The following NPRL2 variants were observed in gnomAD, a reference collection of about 807,000 sequenced individuals.
NPRL2 encodes the protein NPR2 like, GATOR1 complex subunit.
A neutral mutation model predicts 51.1 loss-of-function variants in NPRL2; 21 were observed. The ratio of observed to expected loss-of-function variants is 0.41; its 90% CI spans 0.29 to 0.59. The LOEUF is 0.59. Ranked by LOEUF, NPRL2 falls within the 20% of genes least tolerant of loss-of-function variation. NPRL2 has a pLI of 0.29. For missense variants in NPRL2, 376 were observed against 483.4 expected (o/e 0.78, Z 2.08); for synonymous variants, 175 against 187.8 (o/e 0.93, Z 0.56).
rs587643748 is a variant in NPRL2, at chr3:50,349,854, C to T, written c.171-21G>A. On this transcript the variant is annotated intron_variant, in intron 2 of 10. Transcript: ENST00000232501. The surrounding 1 kb of genome is among the most constrained non-coding windows in gnomAD (Gnocchi z 4.6). Reference sequence around the variant, plus strand: ...CTGTGCTGGATAATTGGAACACAGTCAGGCCCCCAAGCCTGTCCCTTCCTC... The same window carrying T: ...CTGTGCTGGATAATTGGAACACAGTTAGGCCCCCAAGCCTGTCCCTTCCTC... 10 of 1,611,926 alleles carry T rather than the reference C, an allele frequency of 6.2e-6. No individual in the cohort carries two copies. The Admixed American group carries it at 1.0e-4, about 16-fold the overall frequency.
Position 50,348,248 on chromosome 3 carries a change from G to A in NPRL2, c.815-7C>T. Reference sequence around the variant, plus strand: ...AGACTGGCCCTCTTGTGCCCTGTGGGTGCCAGGGATCAGCTCATCATGTGG... The same window carrying A: ...AGACTGGCCCTCTTGTGCCCTGTGGATGCCAGGGATCAGCTCATCATGTGG... On this transcript the variant is annotated splice_region_variant and splice_polypyrimidine_tract_variant and intron_variant, in intron 8 of 10. Transcript: ENST00000232501. The surrounding 1 kb of genome is among the most constrained non-coding windows in gnomAD (Gnocchi z 5.8). The A allele has an allele frequency of 6.2e-7, 1 of 1,613,866 alleles. No homozygotes were observed. The highest frequency in any genetic ancestry group is 8.5e-7 in the Non-Finnish European group (1 of 1,179,940).
rs962731655 is a variant in NPRL2, at chr3:50,350,407, C to A, written c.78+168G>T. 2 of 698,908 alleles carry A rather than the reference C, an allele frequency of 2.9e-6. No individual in the cohort carries two copies. Among genetic ancestry groups the A allele is most frequent in the Non-Finnish European group, 4.7e-6 (2 of 421,652 alleles). 43.3% of individuals were successfully genotyped at this position (698,908 alleles called of 1,614,324 possible). On this transcript the variant is annotated intron_variant, in intron 1 of 10. Transcript: ENST00000232501. This position sits in a 1 kb window ranked among gnomAD's most constrained non-coding sequence, Gnocchi z 5.7. The stretch of plus-strand genomic sequence containing the variant: ...GCCAATGTGACGTATGTCTTCCCTG[C>A]CACATTGGGAGCCGGGGGCCTGGGT...
chr3:50,349,070 A>G lies in NPRL2; in HGVS notation c.449-60T>C. 12 of 1,579,564 alleles carry G rather than the reference A, an allele frequency of 7.6e-6. No individual in the cohort carries two copies. The highest frequency in any genetic ancestry group is 1.0e-5 in the Non-Finnish European group (12 of 1,161,458). ...TTCTTCCAAGAGGTCCTCAATTACC[A>G]TCCAGGCCTCCCAGCATCCCTTGGG... is the stretch of plus-strand genomic sequence containing the variant. On this transcript the variant is annotated intron_variant, in intron 4 of 10. Transcript: ENST00000232501. The surrounding 1 kb of genome is among the most constrained non-coding windows in gnomAD (Gnocchi z 4.6).
chr3:50,350,739 C>A lies in NPRL2; in HGVS notation c.-87G>T. 2 of 1,518,902 alleles carry A rather than the reference C, an allele frequency of 1.3e-6. No individual in the cohort carries two copies. Among genetic ancestry groups the A allele is most frequent in the Non-Finnish European group, 1.8e-6 (2 of 1,132,928 alleles). The allele number at this position is 1,518,902 out of a possible 1,614,324, so 94.1% of individuals were successfully genotyped here. On this transcript the variant is annotated 5_prime_UTR_variant, in exon 1 of 11. Transcript: ENST00000232501. The surrounding 1 kb of genome is among the most constrained non-coding windows in gnomAD (Gnocchi z 5.7). ...TGTGAACACTTGTCAGAGACAGCCT[C>A]GAGGCCTGTGTCGCTGGGGCACGCA...
Position 50,348,768 on chromosome 3 carries a change from AATG to A in NPRL2, c.597_599del (p.Ile200del). 1.9e-6 allele frequency: 3 copies of A among 1,614,032 alleles called. No individual in the cohort carries two copies. Among genetic ancestry groups the A allele is most frequent in the Non-Finnish European group, 2.5e-6 (3 of 1,180,028 alleles). ...TCTTCTGGATGTGGCGGAACCCATC[AATG>A]TAGGGCAGGATCTGGGCAGAGTGGG... On this transcript the variant is annotated inframe_deletion, in exon 6 of 11. Transcript: ENST00000232501. The surrounding 1 kb of genome is among the most constrained non-coding windows in gnomAD (Gnocchi z 5.8).
Position 50,349,893 on chromosome 3 carries a change from C to A in NPRL2, c.170+38G>T. 1 of 1,613,510 alleles carries A rather than the reference C, an allele frequency of 6.2e-7. No individual in the cohort carries two copies. The highest frequency in any genetic ancestry group is 8.5e-7 in the Non-Finnish European group (1 of 1,179,776). ...TGTCCCTTCCTCCTCCTGGGACAAC[C>A]CCTGCCACCCACCGCTCACCCCGAG... is the stretch of plus-strand genomic sequence containing the variant. On this transcript the variant is annotated intron_variant, in intron 2 of 10. Transcript: ENST00000232501. This position sits in a 1 kb window ranked among gnomAD's most constrained non-coding sequence, Gnocchi z 4.6.
rs1703710065 is a variant in NPRL2 at position 50,350,207 on chromosome 3, C to T, written c.79-185G>A. 1 of 608,852 alleles carries T rather than the reference C, an allele frequency of 1.6e-6. No homozygotes were observed. The allele number at this position is 608,852 out of a possible 1,614,324, so 37.7% of individuals were successfully genotyped here. A position where few individuals can be genotyped will look rare whatever the true frequency, so the allele number is the denominator to read the frequency against. On this transcript the variant is annotated intron_variant, in intron 1 of 10. Transcript: ENST00000232501. The surrounding 1 kb of genome is among the most constrained non-coding windows in gnomAD (Gnocchi z 5.7). ...CGCTATGATCTCACCTCCTTCCTGGCTTCTGCATATGCTGTTCCCTCTACC... is the reference window on the plus strand; with the variant it reads ...CGCTATGATCTCACCTCCTTCCTGGTTTCTGCATATGCTGTTCCCTCTACC...
Position 50,349,807 on chromosome 3 carries a change from C to G in NPRL2, c.197G>C (p.Gly66Ala). The change falls in exon 3 of 11, where the codon GGC (glycine) becomes GCC (alanine). Residue 66 changes from glycine (G) to alanine (A), a missense_variant. Coordinates refer to ENST00000232501, the MANE Select transcript of NPRL2 (RefSeq NM_006545.5). This position sits in a 1 kb window ranked among gnomAD's most constrained non-coding sequence, Gnocchi z 4.6. The part of the protein sequence containing the change: ...TVTAMEKKLI[G>A]CPVCIEHKKY... ...CTTGTGTTCGATGCACACAGGACAG[C>G]CGATCAGCTTCTTTTCCATAGCTGT... 6.2e-7 allele frequency: 1 copy of G among 1,612,678 alleles called. No homozygotes were observed. Among genetic ancestry groups the G allele is most frequent in the Non-Finnish European group, 8.5e-7 (1 of 1,178,982 alleles).
chr3:50,350,158 T>C lies in NPRL2; in HGVS notation c.79-136A>G. The C allele has an allele frequency of 1.5e-6, 1 of 684,964 alleles. No individual in the cohort carries two copies. Among genetic ancestry groups the C allele is most frequent in the Non-Finnish European group, 2.5e-6 (1 of 395,222 alleles). 42.4% of individuals were successfully genotyped at this position (684,964 alleles called of 1,614,324 possible). A position where few individuals can be genotyped will look rare whatever the true frequency, so the allele number is the denominator to read the frequency against. On this transcript the variant is annotated intron_variant, in intron 1 of 10. Transcript: ENST00000232501. This position sits in a 1 kb window ranked among gnomAD's most constrained non-coding sequence, Gnocchi z 5.7. ...CTCTCTCCCATCCACTCAGGCCTAT[T>C]ACTTCTTTCTGTTTCCAAACATACG...
chr3:50,347,986 A>G, intron 9 of NPRL2, 85 bp from the exon 10 acceptor site: 1 of 1,601,356 alleles, frequency 6.2e-7, no homozygotes. Context: ...TCTCCCTTCA[A>G]TTTTGTCTCT....
rs1159252491 is a variant in NPRL2 at position 50,350,754 on chromosome 3, T to A, written c.-102A>T. Reference sequence around the variant, plus strand: ...GAGACAGCCTCGAGGCCTGTGTCGCTGGGGCACGCAAGCTTGCCAATCCCT... The same window carrying A: ...GAGACAGCCTCGAGGCCTGTGTCGCAGGGGCACGCAAGCTTGCCAATCCCT... On this transcript the variant is annotated 5_prime_UTR_variant, in exon 1 of 11. Transcript: ENST00000232501. This position sits in a 1 kb window ranked among gnomAD's most constrained non-coding sequence, Gnocchi z 5.7. The A allele has an allele frequency of 2.0e-6, 3 of 1,495,686 alleles. No individual in the cohort carries two copies. The African/African-American group carries it at 4.2e-5, about 21-fold the overall frequency. 92.7% of individuals were successfully genotyped at this position (1,495,686 alleles called of 1,614,324 possible).
rs759328601 is a variant in NPRL2 at position 50,349,776 on chromosome 3, G to A, written c.228C>T (p.Tyr76=). The A allele has an allele frequency of 6.2e-6, 10 of 1,613,962 alleles. No individual in the cohort carries two copies. In the South Asian group the frequency reaches 6.6e-5, roughly 11 times the overall value. The part of the protein sequence containing the change: ...GCPVCIEHKK[Y]SRNALLFNLG... ...GGTTGAAGAGGAGAGCATTGCGGCT[G>A]TACTTCTTGTGTTCGATGCACACAG... The change falls in exon 3 of 11, where the codon TAC becomes TAT. Residue 76 remains tyrosine (Y), a synonymous_variant. Coordinates refer to ENST00000232501, the MANE Select transcript of NPRL2 (RefSeq NM_006545.5). This position sits in a 1 kb window ranked among gnomAD's most constrained non-coding sequence, Gnocchi z 4.6.
At position 50,348,064 on chromosome 3, in the gene NPRL2, C is replaced by CA; in HGVS notation, c.932+59dup. On this transcript the variant is annotated intron_variant, in intron 9 of 10. Coordinates refer to ENST00000232501, the MANE Select transcript of NPRL2 (RefSeq NM_006545.5). The surrounding 1 kb of genome is among the most constrained non-coding windows in gnomAD (Gnocchi z 5.8). ...CCCATGATCCAGGGCTCCTGAGAGA[C>CA]ATAAAGGGTCTAGCTTCCCTCAGGT... 8 of 1,594,948 alleles carry CA rather than the reference C, an allele frequency of 5.0e-6. No individual in the cohort carries two copies. Among genetic ancestry groups the CA allele is most frequent in the Non-Finnish European group, 6.0e-6 (7 of 1,163,556 alleles).
chr3:50,348,389 T>G lies in NPRL2; in HGVS notation c.742A>C (p.Thr248Pro), dbSNP rs772222892. The G allele has an allele frequency of 1.2e-6, 2 of 1,613,846 alleles. No homozygotes were observed. Among genetic ancestry groups the G allele is most frequent in the Admixed American group, 3.3e-5 (2 of 60,008 alleles). ...ILQYSNVYCP[T>P]PKVQDLVDDK... ...TCTACCAGGTCCTGGACCTTGGGCG[T>G]TGGGCAGTATACATTGGAGTACTAG... The change falls in exon 8 of 11, where the codon ACG becomes CCG. Residue 248 changes from threonine (T) to proline (P), a missense_variant. Coordinates refer to ENST00000232501, the MANE Select transcript of NPRL2 (RefSeq NM_006545.5). This position sits in a 1 kb window ranked among gnomAD's most constrained non-coding sequence, Gnocchi z 5.8.
chr3:50,347,542 T>A lies in NPRL2; in HGVS notation c.*64A>T. The A allele has an allele frequency of 6.3e-7, 1 of 1,581,904 alleles. No homozygotes were observed. Among genetic ancestry groups the A allele is most frequent in the Non-Finnish European group, 8.7e-7 (1 of 1,155,662 alleles). Reference sequence around the variant, plus strand: ...GAACTAAGAGTCAACCTCTAGACAGTATGACAAGCCTCCTAGTAGGAGGGA... The same window carrying A: ...GAACTAAGAGTCAACCTCTAGACAGAATGACAAGCCTCCTAGTAGGAGGGA... On this transcript the variant is annotated 3_prime_UTR_variant, in exon 11 of 11. Coordinates refer to ENST00000232501, the MANE Select transcript of NPRL2 (RefSeq NM_006545.5).
Position 50,349,613 on chromosome 3 carries a change from C to T in NPRL2, c.339+52G>A. ...TTGGGGGACTTTGGAGACATGGGAA[C>T]ACCTTCCCCAACTCTGCCTGTCGGT... On this transcript the variant is annotated intron_variant, in intron 3 of 10. Transcript: ENST00000232501. The surrounding 1 kb of genome is among the most constrained non-coding windows in gnomAD (Gnocchi z 4.6). 5 of 1,603,576 alleles carry T rather than the reference C, an allele frequency of 3.1e-6. No homozygotes were observed. In the South Asian group the frequency reaches 5.5e-5, roughly 18 times the overall value.
chr3:50,349,897 G>A lies in NPRL2; in HGVS notation c.170+34C>T. ...CCTTCCTCCTCCTGGGACAACCCCT[G>A]CCACCCACCGCTCACCCCGAGCTAG... On this transcript the variant is annotated intron_variant, in intron 2 of 10. Transcript: ENST00000232501. The surrounding 1 kb of genome is among the most constrained non-coding windows in gnomAD (Gnocchi z 4.6). 1 of 1,613,340 alleles carries A rather than the reference G, an allele frequency of 6.2e-7. No individual in the cohort carries two copies. Among genetic ancestry groups the A allele is most frequent in the Non-Finnish European group, 8.5e-7 (1 of 1,179,720 alleles).
In NPRL2 at chr3:50,349,339, C is replaced by G; in HGVS notation, c.448+47G>C. On this transcript the variant is annotated intron_variant, in intron 4 of 10. Transcript: ENST00000232501. The surrounding 1 kb of genome is among the most constrained non-coding windows in gnomAD (Gnocchi z 4.6). ...TCCCTGACTAGCTGGGTTCACTTTC[C>G]CATCTCTCCTCTACCCCTCTGCTGT... The G allele has an allele frequency of 6.6e-7, 1 of 1,526,496 alleles. No homozygotes were observed. Among genetic ancestry groups the G allele is most frequent in the Non-Finnish European group, 9.1e-7 (1 of 1,101,926 alleles). The allele number at this position is 1,526,496 out of a possible 1,614,324, so 94.6% of individuals were successfully genotyped here. A position where few individuals can be genotyped will look rare whatever the true frequency, so the allele number is the denominator to read the frequency against.
chr3:50,349,015 AG>A lies in NPRL2; in HGVS notation c.449-6del. ...AGTGGATGGTGTTGGACTCATCTGC[AG>A]GGGGCCCCATCCATATCCTCAGTGC... On this transcript the variant is annotated splice_region_variant and splice_polypyrimidine_tract_variant and intron_variant, in intron 4 of 10. Transcript: ENST00000232501. This position sits in a 1 kb window ranked among gnomAD's most constrained non-coding sequence, Gnocchi z 4.6. 6.2e-7 allele frequency: 1 copy of A among 1,612,674 alleles called. No individual in the cohort carries two copies. The highest frequency in any genetic ancestry group is 8.5e-7 in the Non-Finnish European group (1 of 1,179,416).
Sources: allele counts gnomAD v4.1 joint callset, GRCh38; gene constraint gnomAD v4.1.1; non-coding constraint Gnocchi (gnomAD v3.1); transcripts MANE v1.5; gene names NCBI Gene and HGNC (gene_info 2026-07-23, HGNC 2026-07-21).